DYNC1LI1: variants seen among roughly 807,000 people sequenced by gnomAD.
DYNC1LI1 encodes dynein cytoplasmic 1 light intermediate chain 1.
A neutral mutation model predicts 63.8 loss-of-function variants in DYNC1LI1; 19 were observed. That is an observed-to-expected ratio of 0.30 (90% CI 0.21 to 0.44). The LOEUF is 0.44. Ranked by LOEUF, DYNC1LI1 falls within the 20% of genes least tolerant of loss-of-function variation. The pLI is 1.00. For missense variants in DYNC1LI1, 565 were observed against 630.2 expected (o/e 0.90, Z 1.11); for synonymous variants, 225 against 232.3 (o/e 0.97, Z 0.28).
chr3:32,539,380 T>G (rs1697846216), intron 5 of DYNC1LI1, among the ~76,000 whole-genome samples: 1 of 152,118 alleles, frequency 6.6e-6, no homozygotes, highest in African/African-American at 2.4e-5. Flanking sequence ...ATACCCTCCT[T>G]TAATTTTACA....
Position 32,532,926 on chromosome 3 carries a change from G to A in DYNC1LI1, c.1080+60C>T. The stretch of plus-strand genomic sequence containing the variant: ...CTTTCTACATTTAATTTTAAAGTAT[G>A]GAATTCCCCTCAGGTTAGTCTAAAG... On this transcript the variant is annotated intron_variant, in intron 8 of 12. Coordinates refer to ENST00000273130, the MANE Select transcript of DYNC1LI1 (RefSeq NM_016141.4). 3 of 1,470,998 alleles carry A rather than the reference G, an allele frequency of 2.0e-6. 1 individual carries two copies. Among genetic ancestry groups the A allele is most frequent in the Admixed American group, 5.7e-5 (2 of 34,786 alleles). 91.1% of individuals were successfully genotyped at this position (1,470,998 alleles called of 1,614,324 possible).
intron 2 of DYNC1LI1, among the ~76,000 whole-genome samples, chr3:32,563,484 G>C (rs1698219873): frequency 6.6e-6 from 1 of 151,924 alleles, no homozygotes; most frequent in South Asian, 2.1e-4. Context: ...TAGAAATGGG[G>C]TTTCATCATG....
At chr3:32,529,390 T>C (rs1697665906) in intron 11 of DYNC1LI1, 150 bp downstream of exon 11, 2 of 589,116 alleles carry the variant, frequency 3.4e-6, no homozygotes, top group African/African-American at 3.8e-5. Context: ...GTTTACAATC[T>C]GGTTAACTAT....
intron 8 of DYNC1LI1, chr3:32,531,819 C>A (rs1330892700): frequency 6.6e-6 from 1 of 152,132 alleles, no homozygotes. Context: ...GTGAGAACTA[C>A]TACAAGTTGA....
intron 2 of DYNC1LI1, chr3:32,570,045 G>A (rs1297015749): frequency 5.7e-6 from 3 of 523,514 alleles, no homozygotes; most frequent in Non-Finnish European, 1.0e-5. Flanking sequence ...ATAAACCCCA[G>A]GCCACGAGAA....
chr3:32,529,842 C>G (rs1241830826), intron 10 of DYNC1LI1, among the ~76,000 whole-genome samples, 182 bp from the exon 11 acceptor site: 1 of 152,084 alleles, frequency 6.6e-6, no homozygotes, highest in Non-Finnish European at 1.5e-5. Flanking sequence ...CAGACAGAGG[C>G]CCATCACATT....
Position 32,545,899 on chromosome 3 carries a change from C to T in DYNC1LI1, c.287G>A (p.Gly96Glu). Residue 96 changes from glycine to glutamate, a missense_variant, in exon 3 of 13, where the codon GGA becomes GAA. Gly to Glu is a moderately conservative substitution (Grantham distance 98). Coordinates refer to ENST00000273130, the MANE Select transcript of DYNC1LI1 (RefSeq NM_016141.4). ...KIQGIEEYKK[G>E]RGLEYLYLNV... ...TAAGTACAAATATTCCAATCCTCTT[C>T]CTTTCTTATACTCCTCTATTCCCTG... The T allele has an allele frequency of 6.2e-7, 1 of 1,613,264 alleles. No individual in the cohort carries two copies. Among genetic ancestry groups the T allele is most frequent in the South Asian group, 1.1e-5 (1 of 91,056 alleles).
intron 4 of DYNC1LI1, 76 bp downstream of exon 4, chr3:32,544,800 C>A (rs955075194): frequency 2.8e-6 from 3 of 1,080,554 alleles, no homozygotes; most frequent in East Asian, 2.4e-5. Context: ...TTTTTATAGT[C>A]AAAAATTCCT....
chr3:32,539,118 A>G (rs1404144092), intron 5 of DYNC1LI1, among the ~76,000 whole-genome samples: 1 of 152,180 alleles, frequency 6.6e-6, no homozygotes, highest in Non-Finnish European at 1.5e-5. Context: ...TTCACCAACC[A>G]AAACAAAATA....
At chr3:32,557,804 G>C (rs1449970130) in intron 2 of DYNC1LI1, among the ~76,000 whole-genome samples, 5 of 152,104 alleles carry the variant, frequency 3.3e-5, no homozygotes, top group Admixed American at 3.3e-4. Flanking sequence ...AGCTGGCAGT[G>C]AAACAGACAC....
chr3:32,561,034 C>CAAAAAAAAA (rs1553619588), intron 2 of DYNC1LI1, among the ~76,000 whole-genome samples: 1 of 51,918 alleles, frequency 1.9e-5, no homozygotes, highest in African/African-American at 8.8e-5. Context: ...AAAAAAAAAA[C>CAAAAAAAAA]AAACAAAAAA....
intron 2 of DYNC1LI1, among the ~76,000 whole-genome samples, chr3:32,558,431 GAAAA>G (rs1698145804): frequency 8.3e-6 from 1 of 120,414 alleles, no homozygotes; most frequent in African/African-American, 3.1e-5. Flanking sequence ...AAAAAGAAAA[GAAAA>G]AGAAAATCTC....
In DYNC1LI1 at chr3:32,534,709, G is replaced by A. The variant is rs370852787; in HGVS notation, c.833-63C>T. ...TCATGAGCAAATACCATAAAATTCT[G>A]TGTTTTCAGCTTAACTTTTATTTCT... On this transcript the variant is annotated intron_variant, in intron 6 of 12. Transcript: ENST00000273130. The A allele has an allele frequency of 4.6e-6, 6 of 1,317,290 alleles. No homozygotes were observed. The East Asian group carries it at 1.5e-4, about 34-fold the overall frequency. 81.6% of individuals were successfully genotyped at this position (1,317,290 alleles called of 1,614,324 possible).
chr3:32,566,511 C>T (rs779199678), intron 2 of DYNC1LI1: 7 of 192,922 alleles, frequency 3.6e-5, no homozygotes, highest in East Asian at 1.7e-4. Flanking sequence ...GAGGCCAAGG[C>T]GGGTAGATCA....
At chr3:32,527,053 A>C (rs1196941233) in intron 12 of DYNC1LI1, 145 bp from the exon 13 acceptor site, 1 of 582,698 alleles carries the variant, frequency 1.7e-6, no homozygotes, top group Admixed American at 3.1e-5. Context: ...TTAATTTAAA[A>C]ATTTCAAGCT....
rs747586553 is a variant in DYNC1LI1 at position 32,528,620 on chromosome 3, AC to A, written c.1307-20del. 9 of 1,585,316 alleles carry A rather than the reference AC, an allele frequency of 5.7e-6. No individual in the cohort carries two copies. Among genetic ancestry groups the A allele is most frequent in the East Asian group, 2.2e-5 (1 of 44,622 alleles). ...GCTCCAGCTATAAAAAAATAAAAAA[AC>A]AAAAAGCTTTAGCCAAAACATAAGA... On this transcript the variant is annotated intron_variant, in intron 11 of 12. Coordinates refer to ENST00000273130, the MANE Select transcript of DYNC1LI1 (RefSeq NM_016141.4).
At chr3:32,545,632 T>A in intron 3 of DYNC1LI1, 2 of 509,068 alleles carry the variant, frequency 3.9e-6, no homozygotes, top group Non-Finnish European at 6.9e-6. Context: ...GAAAGAAGTA[T>A]CTGCACACCA....
chr3:32,533,295 T>C (rs994537814), intron 7 of DYNC1LI1, among the ~76,000 whole-genome samples, 198 bp from the exon 8 acceptor site: 15 of 152,104 alleles, frequency 9.9e-5, no homozygotes, highest in African/African-American at 3.4e-4. Context: ...CAAAACACCA[T>C]CTCTACAAAA....
chr3:32,530,803 G>T, intron 8 of DYNC1LI1: 1 of 327,030 alleles, frequency 3.1e-6, no homozygotes, highest in Non-Finnish European at 5.6e-6. Flanking sequence ...GTGTGACTAA[G>T]GAAATGATTT....
Sources: allele counts gnomAD v4.1 joint callset (sites outside exome capture counted in the v4.1 genomes callset), GRCh38; gene constraint gnomAD v4.1.1; transcripts MANE v1.5; gene names NCBI Gene and HGNC (gene_info 2026-07-23, HGNC 2026-07-21).